Variants in ITPR1 observed in about 807,000 individuals in gnomAD.
The protein encoded by ITPR1 is inositol 1,4,5-trisphosphate-gated calcium channel ITPR1.
In ITPR1, 96 loss-of-function variants were observed where a neutral mutation model predicts 318.4. That is an observed-to-expected ratio of 0.30 (90% CI 0.26 to 0.36). ITPR1 has a LOEUF of 0.36. ITPR1 is among the 10% of genes least tolerant of loss of function. The pLI is 1.00. For missense variants in ITPR1, 2,440 were observed against 3,460.2 expected, an observed-to-expected ratio of 0.71 and a Z score of 7.40; for synonymous variants, 1,312 against 1,289.9, an observed-to-expected ratio of 1.02 and a Z score of -0.37.
chr3:4,673,391 A>C lies in ITPR1; in HGVS notation c.2456+4A>C. On this transcript the variant is annotated splice_donor_region_variant and intron_variant, in intron 21 of 61. Coordinates refer to ENST00000649015, the MANE Select transcript of ITPR1 (RefSeq NM_001378452.1). ...CCTCGGAGATCGCCATTGACGAGTG[A>C]GCCTGGCACCTGAAAACCTCACTTT... 6.3e-7 allele frequency: 1 copy of C among 1,597,280 alleles called. No individual in the cohort carries two copies. Among genetic ancestry groups the C allele is most frequent in the South Asian group, 1.1e-5 (1 of 89,328 alleles).
chr3:4,643,503 A>G (rs960463722), intron 7 of ITPR1, among the ~76,000 whole-genome samples: 14 of 152,148 alleles, frequency 9.2e-5, no homozygotes, highest in Admixed American at 2.0e-4. Flanking sequence ...GGGCCATGAA[A>G]TCAGTTTAGT....
chr3:4,668,745 C>T (rs569476067), intron 18 of ITPR1, among the ~76,000 whole-genome samples: 6 of 152,296 alleles, frequency 3.9e-5, no homozygotes, highest in African/African-American at 1.2e-4. Context: ...GGATTACAGG[C>T]GTGAGCCACC....
Position 4,814,491 on chromosome 3 carries a change from G to A in ITPR1, c.7630G>A (p.Val2544Ile), listed in dbSNP as rs371726673. 3.5e-5 allele frequency: 57 copies of A among 1,612,786 alleles called. No homozygotes were observed. The highest frequency in any genetic ancestry group is 4.7e-5 in the Non-Finnish European group (56 of 1,179,482). Reference sequence around the variant, plus strand: ...ATGTGAGACGCTGCTGATGTGCATTGTCACTGTGCTGAGTCACGGGCTGCG... The same window carrying A: ...ATGTGAGACGCTGCTGATGTGCATTATCACTGTGCTGAGTCACGGGCTGCG... ...HTCETLLMCI[V>I]TVLSHGLRSG... The change falls in exon 58 of 62, where the codon GTC becomes ATC. Residue 2544 changes from valine to isoleucine, a missense_variant. This residue lies in a region of ITPR1 where 72 missense variants were observed against 197.7 expected (regional missense o/e 0.36). Coordinates refer to ENST00000649015, the MANE Select transcript of ITPR1 (RefSeq NM_001378452.1).
At chr3:4,668,213 TA>T (rs1190023643) in intron 18 of ITPR1, among the ~76,000 whole-genome samples, 135 of 146,010 alleles carry the variant, frequency 9.2e-4, no homozygotes, top group African/African-American at 3.6e-3. Context: ...TCGTTCTTTC[TA>T]TTTTTTTTTT....
intron 44 of ITPR1, among the ~76,000 whole-genome samples, chr3:4,748,885 C>A (rs1275022978): frequency 6.6e-6 from 1 of 152,146 alleles, no homozygotes; most frequent in African/African-American, 2.4e-5. Context: ...TGCACTGGGA[C>A]GCGAAGTTGT....
Position 4,708,348 on chromosome 3 carries a change from C to T in ITPR1, c.4843-1977C>T, listed in dbSNP as rs1057329776. On this transcript the variant is annotated intron_variant, in intron 37 of 61. Transcript: ENST00000649015. ...CACTTAAACGTGCATCTTAACTTGACCTATGAAACCCTGCTCTTATGAGCA... is the reference window on the plus strand; with the variant it reads ...CACTTAAACGTGCATCTTAACTTGATCTATGAAACCCTGCTCTTATGAGCA... Among the ~76,000 whole-genome samples, 5 of 152,088 alleles carry T rather than the reference C, an allele frequency of 3.3e-5. No individual in the cohort carries two copies. The East Asian group carries it at 7.7e-4, about 23-fold the overall frequency.
chr3:4,628,336 A>G (rs1329024725), intron 5 of ITPR1, among the ~76,000 whole-genome samples: 1 of 152,226 alleles, frequency 6.6e-6, no homozygotes, highest in Non-Finnish European at 1.5e-5. Context: ...TGCCTGGCAC[A>G]TAATAAATGC....
At chr3:4,510,552 C>A (rs1187986467) in intron 2 of ITPR1, among the ~76,000 whole-genome samples, 5 of 152,128 alleles carry the variant, frequency 3.3e-5, no homozygotes, top group African/African-American at 1.2e-4. Context: ...CTGGATTAGA[C>A]TTTTTCATTC....
At chr3:4,507,268 A>G (rs2081460699) in intron 2 of ITPR1, among the ~76,000 whole-genome samples, 1 of 152,116 alleles carries the variant, frequency 6.6e-6, no homozygotes, top group African/African-American at 2.4e-5. Context: ...GAAAATGAAA[A>G]TAATGCCCCA....
chr3:4,764,373 G>A (rs1417290948), intron 44 of ITPR1, among the ~76,000 whole-genome samples: 1 of 152,228 alleles, frequency 6.6e-6, no homozygotes, highest in African/African-American at 2.4e-5. Context: ...AAAGTGTTGG[G>A]TTATATTCAT....
Position 4,644,128 on chromosome 3 carries a change from C to T in ITPR1, c.526-8C>T, listed in dbSNP as rs369328275. On this transcript the variant is annotated splice_polypyrimidine_tract_variant and splice_region_variant and intron_variant, in intron 7 of 61. Coordinates refer to ENST00000649015, the MANE Select transcript of ITPR1 (RefSeq NM_001378452.1). ...TGTGCAAAGCTCTATTGCTCCTTTC[C>T]ATTCCAGGTGGTCATAGGTGACAAG... 4.8e-5 allele frequency: 76 copies of T among 1,596,290 alleles called. No individual in the cohort carries two copies. The African/African-American group carries it at 9.5e-4, about 20-fold the overall frequency.
intron 4 of ITPR1, among the ~76,000 whole-genome samples, chr3:4,589,281 T>C (rs1235015643): frequency 1.3e-5 from 2 of 152,246 alleles, no homozygotes; most frequent in East Asian, 1.9e-4. Context: ...CAGTATAGTC[T>C]GATATTTCAT....
At chr3:4,556,237 C>T (rs2086114314) in intron 4 of ITPR1, among the ~76,000 whole-genome samples, 1 of 152,062 alleles carries the variant, frequency 6.6e-6, no homozygotes, top group African/African-American at 2.4e-5. Context: ...GGGTGCACAG[C>T]CTCTCTCTCT....
At chr3:4,574,438 C>T (rs572910173) in intron 4 of ITPR1, among the ~76,000 whole-genome samples, 3 of 152,224 alleles carry the variant, frequency 2.0e-5, no homozygotes, top group South Asian at 4.1e-4. Flanking sequence ...GGGAGATGGT[C>T]GGTTGACAAG....
At chr3:4,508,345 A>G (rs2081539917) in intron 2 of ITPR1, among the ~76,000 whole-genome samples, 1 of 151,964 alleles carries the variant, frequency 6.6e-6, no homozygotes, top group East Asian at 1.9e-4. Flanking sequence ...ACCCTTGAAG[A>G]TTAAGTGATC....
intron 60 of ITPR1, among the ~76,000 whole-genome samples, chr3:4,823,305 C>A (rs1205608707): frequency 6.6e-6 from 1 of 152,120 alleles, no homozygotes; most frequent in Non-Finnish European, 1.5e-5. Flanking sequence ...CTAAATTCTT[C>A]TTGAAAATTA....
At chr3:4,534,829 A>G (rs1027027323) in intron 4 of ITPR1, among the ~76,000 whole-genome samples, 22 of 152,192 alleles carry the variant, frequency 1.4e-4, no homozygotes, top group Admixed American at 7.9e-4. Flanking sequence ...CCCTATAACC[A>G]TTCCCAGAAT....
chr3:4,653,140 T>C (rs973606190), intron 11 of ITPR1, among the ~76,000 whole-genome samples: 9 of 152,218 alleles, frequency 5.9e-5, no homozygotes, highest in African/African-American at 2.2e-4. Context: ...AGATGTATGA[T>C]GCATATTTCT....
rs1376836724 is a variant in ITPR1, at chr3:4,535,425, TC to T, written c.163+14332del. Among the ~76,000 whole-genome samples the T allele has an allele frequency of 7.4e-4, 109 of 146,932 alleles. 1 individual carries two copies. The highest frequency in any genetic ancestry group is 1.2e-3 in the Non-Finnish European group (81 of 67,160). ...GACTTTATGTGAAGGAAAATTATTT[TC>T]TTTTTTTTTTTTTTAATTTTTTTTT... On this transcript the variant is annotated intron_variant, in intron 4 of 61. Coordinates refer to ENST00000649015, the MANE Select transcript of ITPR1 (RefSeq NM_001378452.1).
Sources: gnomAD v4.1 joint callset for allele counts (sites outside exome capture counted in the v4.1 genomes callset) on GRCh38, gnomAD v4.1.1 for gene constraint, gnomAD v4.1.1 regional missense constraint, MANE v1.5 for transcripts, NCBI Gene and HGNC (gene_info 2026-07-23, HGNC 2026-07-21) for gene names.